RAD51B: variants seen among roughly 807,000 people sequenced by gnomAD.
RAD51B encodes DNA repair protein RAD51 homolog 2.
Under a neutral mutation model 42.2 loss-of-function variants are expected in RAD51B, and 38 were observed. The ratio of observed to expected loss-of-function variants is 0.90; its 90% CI spans 0.70 to 1.18. The LOEUF (loss-of-function observed/expected upper bound fraction) is 1.18. Ranked by LOEUF, RAD51B falls within the 50% of genes most tolerant of loss-of-function variation. The probability of loss-of-function intolerance (pLI) is 0.00; values close to 1 mark genes in which losing one functional copy is unlikely to be tolerated. For missense variants in RAD51B, 373 were observed against 400.7 expected (o/e 0.93, Z 0.59); for synonymous variants, 154 against 145.2 (o/e 1.06, Z -0.43).
In RAD51B at chr14:68,590,115, G is replaced by A. The variant is rs919959940; in HGVS notation, c.1037-4370G>A. Among the ~76,000 whole-genome samples, 11 of 152,190 alleles carry A rather than the reference G, an allele frequency of 7.2e-5. No individual in the cohort carries two copies. The East Asian group carries it at 1.5e-3, about 21-fold the overall frequency. ...CACAGGTCACCCTGAGCAGCCGACT[G>A]GGGTGTCACCCAGATGCTGATTCCA... is the stretch of plus-strand genomic sequence containing the variant. On this transcript the variant is annotated intron_variant, in intron 10 of 10. Transcript: ENST00000487270.
intron 4 of RAD51B, among the ~76,000 whole-genome samples, chr14:67,862,602 A>ATGTATTTCT (rs2139982157): frequency 6.6e-6 from 1 of 152,302 alleles, no homozygotes; most frequent in South Asian, 2.1e-4. Flanking sequence ...CCAACAAATG[A>ATGTATTTCT]TGTATTTCTT....
At chr14:68,135,861 G>A (rs1354007979) in intron 7 of RAD51B, among the ~76,000 whole-genome samples, 1 of 152,166 alleles carries the variant, frequency 6.6e-6, no homozygotes, top group East Asian at 1.9e-4. Flanking sequence ...AGTTACCTCA[G>A]GGATGGCTGA....
chr14:68,273,866 A>T (rs1301335314), intron 7 of RAD51B, among the ~76,000 whole-genome samples: 1 of 152,056 alleles, frequency 6.6e-6, no homozygotes, highest in African/African-American at 2.4e-5. Flanking sequence ...TTTATATAAA[A>T]TTTTTTAGCT....
At chr14:68,083,811 G>C (rs2140496107) in intron 7 of RAD51B, among the ~76,000 whole-genome samples, 1 of 152,140 alleles carries the variant, frequency 6.6e-6, no homozygotes, top group Middle Eastern at 3.4e-3. Flanking sequence ...TTTATCTTGA[G>C]AATGGGAACA....
chr14:68,011,638 T>A (rs1458005023), intron 7 of RAD51B, among the ~76,000 whole-genome samples: 7 of 152,090 alleles, frequency 4.6e-5, no homozygotes, highest in African/African-American at 1.2e-4. Flanking sequence ...TGACAGTTGC[T>A]TTAACTACAG....
At chr14:68,293,460 A>T (rs2081553435) in intron 8 of RAD51B, among the ~76,000 whole-genome samples, 1 of 152,110 alleles carries the variant, frequency 6.6e-6, no homozygotes, top group African/African-American at 2.4e-5. Flanking sequence ...AGATAAAGTG[A>T]ATGATTTCAA....
At chr14:68,550,142 C>T (rs889497837) in intron 10 of RAD51B, among the ~76,000 whole-genome samples, 4 of 152,212 alleles carry the variant, frequency 2.6e-5, no homozygotes, top group African/African-American at 9.7e-5. Context: ...CACGCTGCGC[C>T]GTGCTCCCTC....
chr14:68,438,120 C>T (rs1382738957), intron 9 of RAD51B, among the ~76,000 whole-genome samples: 3 of 152,112 alleles, frequency 2.0e-5, no homozygotes, highest in Non-Finnish European at 4.4e-5. Flanking sequence ...AGAAGCCCCA[C>T]TAAGGAACTT....
intron 7 of RAD51B, among the ~76,000 whole-genome samples, chr14:68,186,254 A>G (rs2079156166): frequency 6.6e-6 from 1 of 152,254 alleles, no homozygotes; most frequent in Non-Finnish European, 1.5e-5. Flanking sequence ...TTGAAATATA[A>G]GAATCCTAGA....
chr14:67,982,094 G>A (rs1388994601), intron 7 of RAD51B, among the ~76,000 whole-genome samples: 6 of 152,008 alleles, frequency 3.9e-5, no homozygotes, highest in Non-Finnish European at 8.8e-5. Flanking sequence ...ACACCACCAT[G>A]CCTGGCTGTT....
intron 7 of RAD51B, among the ~76,000 whole-genome samples, chr14:67,969,658 A>G (rs765291102): frequency 2.0e-5 from 3 of 152,176 alleles, no homozygotes; most frequent in Non-Finnish European, 2.9e-5. Flanking sequence ...CTGATAAACT[A>G]AGAAGTTTTC....
chr14:68,202,128 G>A (rs1595545365), intron 7 of RAD51B, among the ~76,000 whole-genome samples: 1 of 152,282 alleles, frequency 6.6e-6, no homozygotes, highest in Non-Finnish European at 1.5e-5. Context: ...AAAAACCAAT[G>A]TATATACTTT....
chr14:68,455,253 A>G (rs2085655158), intron 9 of RAD51B, among the ~76,000 whole-genome samples: 1 of 152,238 alleles, frequency 6.6e-6, no homozygotes, highest in Non-Finnish European at 1.5e-5. Context: ...AAGATTGTCA[A>G]TCCAGAATTC....
intron 10 of RAD51B, chr14:68,564,047 G>A: frequency 1.6e-6 from 1 of 629,744 alleles, no homozygotes; most frequent in Non-Finnish European, 2.0e-6. Flanking sequence ...TAGAGGGCCT[G>A]CATGGGCTGG....
chr14:68,413,955 A>G (rs569526264), intron 9 of RAD51B, among the ~76,000 whole-genome samples: 65 of 151,974 alleles, frequency 4.3e-4, no homozygotes, highest in Non-Finnish European at 8.2e-4. Context: ...CCAATGCCCA[A>G]GCAGAGGCCA....
rs541964050 is a variant in RAD51B, at chr14:68,678,179, C to T, written c.*11+27323C>T. ...GGATTTGAACCACCACGTTCTTAAC[C>T]GCTGAGCTCCACCACCTCGTTCAGT... On this transcript the variant is annotated intron_variant, in intron 11 of 11. Coordinates refer to the RAD51B transcript ENST00000488612. Among the ~76,000 whole-genome samples, 5 of 152,276 alleles carry T rather than the reference C, an allele frequency of 3.3e-5. No individual in the cohort carries two copies. In the East Asian group the frequency reaches 5.8e-4, roughly 18 times the overall value.
chr14:68,456,975 C>T (rs553306097), intron 9 of RAD51B, among the ~76,000 whole-genome samples: 79 of 134,768 alleles, frequency 5.9e-4, no homozygotes, highest in Middle Eastern at 4.8e-3. Flanking sequence ...TGCAGTAGCA[C>T]GATCTTGGCT....
At chr14:68,066,653 G>T (rs1251036967) in intron 7 of RAD51B, among the ~76,000 whole-genome samples, 2 of 152,170 alleles carry the variant, frequency 1.3e-5, no homozygotes. Context: ...TGGGCATGCT[G>T]GTATACACCT....
intron 9 of RAD51B, among the ~76,000 whole-genome samples, chr14:68,450,259 C>T (rs1477551398): frequency 7.3e-6 from 1 of 137,148 alleles, no homozygotes; most frequent in African/African-American, 2.7e-5. Context: ...ACTCTTGTTA[C>T]CCAGACTGGA....
Sources: gnomAD v4.1 joint callset for allele counts (sites outside exome capture counted in the v4.1 genomes callset) on GRCh38, gnomAD v4.1.1 for gene constraint, MANE v1.5 for transcripts, NCBI Gene and HGNC (gene_info 2026-07-23, HGNC 2026-07-21) for gene names.